The following ADAMTSL1 variants were observed in gnomAD, a reference collection of about 807,000 sequenced individuals.
ADAMTSL1 encodes the protein ADAMTS-like protein 1.
Under a neutral mutation model 201.8 loss-of-function variants are expected in ADAMTSL1, and 126 were observed. The ratio of observed to expected loss-of-function variants is 0.62; its 90% CI spans 0.54 to 0.72. The LOEUF (loss-of-function observed/expected upper bound fraction) is 0.72. ADAMTSL1 is among the 30% of genes least tolerant of loss of function. The pLI, the probability that ADAMTSL1 is intolerant of heterozygous loss-of-function variation, is 0.00. For missense variants in ADAMTSL1, 2,679 were observed against 2,277.8 expected (o/e 1.18, Z -3.59); for synonymous variants, 1,121 against 903.4 (o/e 1.24, Z -4.32).
intron 1 of ADAMTSL1, among the ~76,000 whole-genome samples, chr9:17,997,581 A>G (rs1423530932): frequency 1.3e-5 from 2 of 152,072 alleles, no homozygotes; most frequent in Non-Finnish European, 2.9e-5. Flanking sequence ...GAAAATAAAA[A>G]TATTTCTCAG....
At chr9:18,576,687 T>C (rs1421710094) in intron 4 of ADAMTSL1, among the ~76,000 whole-genome samples, 1 of 152,192 alleles carries the variant, frequency 6.6e-6, no homozygotes, top group Non-Finnish European at 1.5e-5. Context: ...GTTGTAAATT[T>C]CTTCAGGAAA....
intron 14 of ADAMTSL1, among the ~76,000 whole-genome samples, chr9:18,709,251 T>C (rs1832412382): frequency 6.6e-6 from 1 of 152,228 alleles, no homozygotes; most frequent in Non-Finnish European, 1.5e-5. Flanking sequence ...TATTTTGGTA[T>C]ATAGGACGTG....
At chr9:17,993,382 C>A (rs7850331) in intron 1 of ADAMTSL1, among the ~76,000 whole-genome samples, 8,315 of 152,192 alleles carry the variant, frequency 0.055, 336 homozygotes, top group African/African-American at 0.1. Flanking sequence ...GATACCTCTG[C>A]TATACTGGTG....
In ADAMTSL1 at chr9:18,067,169, T is replaced by C. The variant is rs888723729; in HGVS notation, c.88-96693T>C. 5.3e-5 allele frequency among the ~76,000 whole-genome samples: 8 copies of C among 152,238 alleles called. No individual in the cohort carries two copies. In the East Asian group the frequency reaches 1.5e-3, roughly 29 times the overall value. The stretch of plus-strand genomic sequence containing the variant: ...AAATGCAAGTGGTTAAGGGTTAGCC[T>C]GACTCTTTAGATTCCAATCCCAGCT... On this transcript the variant is annotated intron_variant, in intron 1 of 29. Transcript: ENST00000680146.
chr9:18,634,615 G>A lies in ADAMTSL1; in HGVS notation c.602-1328G>A, dbSNP rs139866747. 1.3e-3 allele frequency among the ~76,000 whole-genome samples: 205 copies of A among 151,890 alleles called. 3 individuals carry two copies. In the East Asian group the frequency reaches 0.03, roughly 22 times the overall value. The stretch of plus-strand genomic sequence containing the variant: ...AGCACTTTGGGAGGCTGAGGTGAGC[G>A]GATCATGAGGTCAGGAGTTCGAGAC... On this transcript the variant is annotated intron_variant, in intron 5 of 28. Coordinates refer to ENST00000380548, the MANE Select transcript of ADAMTSL1 (RefSeq NM_001040272.6).
intron 23 of ADAMTSL1, among the ~76,000 whole-genome samples, chr9:18,859,954 G>A (rs926653640): frequency 4.1e-4 from 62 of 152,160 alleles, no homozygotes; most frequent in African/African-American, 1.4e-3. Flanking sequence ...TAAAGAATGA[G>A]GTAGACTTAC....
At chr9:17,953,270 G>A (rs958674909) in intron 1 of ADAMTSL1, among the ~76,000 whole-genome samples, 4 of 152,110 alleles carry the variant, frequency 2.6e-5, no homozygotes, top group African/African-American at 7.2e-5. Context: ...TGGTGGATAG[G>A]CTATCCTATA....
At chr9:18,506,783 G>A (rs1817688594) in intron 2 of ADAMTSL1, among the ~76,000 whole-genome samples, 2 of 151,986 alleles carry the variant, frequency 1.3e-5, no homozygotes, top group South Asian at 4.1e-4. Context: ...TATATATTCA[G>A]TAATCTCATA....
In ADAMTSL1 at chr9:17,989,209, C is replaced by A. The variant is rs938137684; in HGVS notation, c.87+82287C>A. ...CTCTAAGCTCATCTACCGAGACAGT[C>A]CTTGATAACTCCTTTAGGCACTTAC... On this transcript the variant is annotated intron_variant, in intron 1 of 29. Coordinates refer to the ADAMTSL1 transcript ENST00000680146. Among the ~76,000 whole-genome samples, 6 of 151,818 alleles carry A rather than the reference C, an allele frequency of 4.0e-5. No homozygotes were observed. In the East Asian group the frequency reaches 1.2e-3, roughly 29 times the overall value.
intron 2 of ADAMTSL1, among the ~76,000 whole-genome samples, chr9:18,186,286 C>A (rs1267639217): frequency 1.3e-5 from 2 of 152,078 alleles, no homozygotes; most frequent in African/African-American, 4.8e-5. Flanking sequence ...CTATTGAGTT[C>A]TTATTTTTAA....
intron 2 of ADAMTSL1, among the ~76,000 whole-genome samples, chr9:18,168,191 G>A (rs999659973): frequency 6.6e-6 from 1 of 151,814 alleles, no homozygotes; most frequent in Non-Finnish European, 1.5e-5. Context: ...GTATGCATGT[G>A]CCATGTTGGT....
At chr9:17,908,511 C>T (rs1238139018) in intron 1 of ADAMTSL1, among the ~76,000 whole-genome samples, 3 of 151,772 alleles carry the variant, frequency 2.0e-5, no homozygotes, top group African/African-American at 7.3e-5. Context: ...GGCTGGAGTG[C>T]AGTGGTGTGA....
At chr9:18,026,194 T>C (rs544366639) in intron 1 of ADAMTSL1, among the ~76,000 whole-genome samples, 33 of 152,184 alleles carry the variant, frequency 2.2e-4, no homozygotes, top group Middle Eastern at 3.4e-3. Context: ...CGGATGTCTT[T>C]TATTTCTTTC....
intron 1 of ADAMTSL1, among the ~76,000 whole-genome samples, chr9:18,054,436 A>G (rs1463473525): frequency 6.6e-6 from 1 of 152,242 alleles, no homozygotes; most frequent in Non-Finnish European, 1.5e-5. Context: ...AGACAGTAAC[A>G]AGTCAGAGTC....
chr9:18,222,910 T>A (rs1343655593), intron 2 of ADAMTSL1, among the ~76,000 whole-genome samples: 3 of 152,066 alleles, frequency 2.0e-5, no homozygotes, highest in African/African-American at 7.2e-5. Flanking sequence ...ATGTGGCTAT[T>A]GAAAATAGAG....
intron 2 of ADAMTSL1, among the ~76,000 whole-genome samples, chr9:18,252,059 G>T (rs1255354495): frequency 1.3e-5 from 2 of 150,656 alleles, no homozygotes; most frequent in Admixed American, 6.6e-5. Flanking sequence ...GATACTAAAA[G>T]AAAAAAAATG....
chr9:18,258,182 C>G (rs1047671156), intron 2 of ADAMTSL1, among the ~76,000 whole-genome samples: 1 of 152,068 alleles, frequency 6.6e-6, no homozygotes, highest in African/African-American at 2.4e-5. Flanking sequence ...AAATTGTACA[C>G]TTAAAAATAG....
intron 23 of ADAMTSL1, among the ~76,000 whole-genome samples, chr9:18,864,874 G>A (rs1827409973): frequency 6.6e-6 from 1 of 152,176 alleles, no homozygotes. Context: ...ATAATGAGGG[G>A]AACCCCCTGG....
chr9:18,658,190 A>G lies in ADAMTSL1; in HGVS notation c.946+440A>G, dbSNP rs144417411. ...GGGGTTTCCCCGTGTTAGCCAGGATAGTCTCGATCTCCTGACCTCGTGATC... is the reference window on the plus strand; with the variant it reads ...GGGGTTTCCCCGTGTTAGCCAGGATGGTCTCGATCTCCTGACCTCGTGATC... On this transcript the variant is annotated intron_variant, in intron 8 of 28. Transcript: ENST00000380548. 5.8e-4 allele frequency among the ~76,000 whole-genome samples: 89 copies of G among 152,150 alleles called. No individual in the cohort carries two copies. In the East Asian group the frequency reaches 0.016, roughly 27 times the overall value.
Sources: gnomAD v4.1 joint callset for allele counts (sites outside exome capture counted in the v4.1 genomes callset) on GRCh38, gnomAD v4.1.1 for gene constraint, MANE v1.5 for transcripts, NCBI Gene and HGNC (gene_info 2026-07-23, HGNC 2026-07-21) for gene names.